SPIDR: variants seen among roughly 807,000 people sequenced by gnomAD.
SPIDR encodes scaffold protein involved in DNA repair.
Under a neutral mutation model 104.6 loss-of-function variants are expected in SPIDR, and 93 were observed. That is an observed-to-expected ratio of 0.89 (90% CI 0.75 to 1.06). The LOEUF is 1.06. Ranked by LOEUF, SPIDR falls within the 50% of genes least tolerant of loss-of-function variation. SPIDR has a pLI of 0.00. For missense variants in SPIDR, 1,154 were observed against 1,111.2 expected, an observed-to-expected ratio of 1.04 and a Z score of -0.55; for synonymous variants, 431 against 416.9, an observed-to-expected ratio of 1.03 and a Z score of -0.41.
intron 16 of SPIDR, among the ~76,000 whole-genome samples, chr8:47,723,661 C>T (rs2083765659): frequency 6.6e-6 from 1 of 152,136 alleles, no homozygotes; most frequent in African/African-American, 2.4e-5. Flanking sequence ...GATCTCCTGA[C>T]CTCACGATCC....
intron 14 of SPIDR, among the ~76,000 whole-genome samples, chr8:47,707,731 C>T (rs2081289018): frequency 6.6e-6 from 1 of 152,296 alleles, no homozygotes; most frequent in South Asian, 2.1e-4. Context: ...TAATTTTACA[C>T]TTTACCTTCC....
chr8:47,611,353 T>C (rs1438529635), intron 10 of SPIDR, among the ~76,000 whole-genome samples: 2 of 152,016 alleles, frequency 1.3e-5, no homozygotes, highest in Non-Finnish European at 2.9e-5. Flanking sequence ...GAGGGACACT[T>C]AGGAAAGTGG....
intron 10 of SPIDR, among the ~76,000 whole-genome samples, chr8:47,614,981 A>G (rs1256340873): frequency 6.6e-6 from 1 of 152,026 alleles, no homozygotes; most frequent in Non-Finnish European, 1.5e-5. Context: ...TAAGACCCCT[A>G]TAATATACAT....
intron 8 of SPIDR, among the ~76,000 whole-genome samples, chr8:47,566,490 C>G (rs1263789258): frequency 2.0e-5 from 3 of 152,056 alleles, no homozygotes; most frequent in Non-Finnish European, 4.4e-5. Flanking sequence ...AGCTTCTTGC[C>G]TCCAGACAGT....
At chr8:47,378,292 C>G (rs775728187) in intron 5 of SPIDR, among the ~76,000 whole-genome samples, 2 of 152,130 alleles carry the variant, frequency 1.3e-5, no homozygotes, top group Non-Finnish European at 2.9e-5. Context: ...TAAAGACTAT[C>G]TTTTCACTAT....
intron 8 of SPIDR, among the ~76,000 whole-genome samples, chr8:47,584,782 G>T (rs1056156222): frequency 1.3e-5 from 2 of 152,178 alleles, no homozygotes; most frequent in Non-Finnish European, 2.9e-5. Flanking sequence ...CTGACAGTGT[G>T]CATCAGATCT....
chr8:47,596,252 A>G (rs900767547), intron 9 of SPIDR, among the ~76,000 whole-genome samples: 1 of 152,182 alleles, frequency 6.6e-6, no homozygotes, highest in Non-Finnish European at 1.5e-5. Context: ...ATTCTAATTT[A>G]TTAAAATAGA....
chr8:47,673,790 G>C lies in SPIDR; in HGVS notation c.1545-11G>C. The C allele has an allele frequency of 6.2e-7, 1 of 1,614,046 alleles. No homozygotes were observed. Among genetic ancestry groups the C allele is most frequent in the Non-Finnish European group, 8.5e-7 (1 of 1,179,982 alleles). Reference sequence around the variant, plus strand: ...GCCTCCTCAAAGACAAATGTGAATGGTTTTTTACAGAGCCTGCCTTCTGGT... The same window carrying C: ...GCCTCCTCAAAGACAAATGTGAATGCTTTTTTACAGAGCCTGCCTTCTGGT... On this transcript the variant is annotated splice_polypyrimidine_tract_variant and intron_variant, in intron 10 of 19. Coordinates refer to ENST00000297423, the MANE Select transcript of SPIDR (RefSeq NM_001080394.4).
intron 16 of SPIDR, among the ~76,000 whole-genome samples, chr8:47,725,100 G>A (rs1483276230): frequency 6.6e-6 from 1 of 152,156 alleles, no homozygotes; most frequent in African/African-American, 2.4e-5. Context: ...CAGGAGATAG[G>A]GAGGAAGAGG....
intron 5 of SPIDR, among the ~76,000 whole-genome samples, chr8:47,350,273 C>G (rs1348334783): frequency 1.3e-5 from 2 of 152,146 alleles, no homozygotes; most frequent in Admixed American, 1.3e-4. Context: ...CGATTTTAAA[C>G]CTTTTTTTCC....
At chr8:47,366,114 T>G (rs2057162741) in intron 5 of SPIDR, among the ~76,000 whole-genome samples, 1 of 151,816 alleles carries the variant, frequency 6.6e-6, no homozygotes, top group Non-Finnish European at 1.5e-5. Flanking sequence ...GGACAGCAAG[T>G]AAGTTGCAGA....
At chr8:47,674,820 G>A (rs1377552911) in intron 11 of SPIDR, among the ~76,000 whole-genome samples, 1 of 152,170 alleles carries the variant, frequency 6.6e-6, no homozygotes, top group Non-Finnish European at 1.5e-5. Flanking sequence ...GAGCTCAGTA[G>A]GCATTTAGCT....
chr8:47,535,636 T>C (rs2086775954), intron 8 of SPIDR, among the ~76,000 whole-genome samples: 2 of 152,064 alleles, frequency 1.3e-5, no homozygotes, highest in African/African-American at 2.4e-5. Flanking sequence ...TCAAATCTTA[T>C]GAATAGATGG....
chr8:47,586,997 CG>C (rs2060319858), intron 8 of SPIDR, among the ~76,000 whole-genome samples: 1 of 152,070 alleles, frequency 6.6e-6, no homozygotes, highest in Admixed American at 6.5e-5. Flanking sequence ...CTCGAACTCC[CG>C]ATCTCAGTTG....
chr8:47,549,297 G>A (rs750460105), intron 8 of SPIDR, among the ~76,000 whole-genome samples: 4 of 152,152 alleles, frequency 2.6e-5, no homozygotes, highest in South Asian at 2.1e-4. Context: ...TAATGGGCTC[G>A]TTGGGTCAAA....
intron 5 of SPIDR, chr8:47,294,267 C>T (rs2040444204): frequency 4.7e-6 from 2 of 428,962 alleles, no homozygotes; most frequent in Middle Eastern, 6.3e-4. Flanking sequence ...CACTGCACAC[C>T]GAATGTTTTT....
intron 8 of SPIDR, among the ~76,000 whole-genome samples, chr8:47,483,160 T>TTGTTG (rs200835163): frequency 6.6e-6 from 1 of 151,972 alleles, no homozygotes; most frequent in Non-Finnish European, 1.5e-5. Context: ...TTGTTTTGTT[T>TTGTTG]TGTTTTGTTT....
chr8:47,288,559 A>AG (rs1315066899), intron 3 of SPIDR, among the ~76,000 whole-genome samples: 1 of 152,246 alleles, frequency 6.6e-6, no homozygotes, highest in Non-Finnish European at 1.5e-5. Context: ...CTAGGATTAC[A>AG]GGCGTGAGCC....
At chr8:47,685,501 A>ATTTTTTTTTTTT (rs1326028640) in intron 11 of SPIDR, among the ~76,000 whole-genome samples, 117 of 110,242 alleles carry the variant, frequency 1.1e-3, no homozygotes, top group East Asian at 2.0e-3. Flanking sequence ...TTATTTATTT[A>ATTTTTTTTTTTT]TTTATTTATT....
Sources: gnomAD v4.1 joint callset for allele counts (sites outside exome capture counted in the v4.1 genomes callset) on GRCh38, gnomAD v4.1.1 for gene constraint, MANE v1.5 for transcripts, NCBI Gene and HGNC (gene_info 2026-07-23, HGNC 2026-07-21) for gene names.